RNF216: variants seen among roughly 807,000 people sequenced by gnomAD.
RNF216 encodes E3 ubiquitin-protein ligase RNF216.
RNF216 carries 72 observed loss-of-function variants against 110.8 expected under a neutral mutation model. The ratio of observed to expected loss-of-function variants is 0.65; its 90% confidence interval spans 0.54 to 0.79. The LOEUF (loss-of-function observed/expected upper bound fraction) is 0.79, where lower values mean the gene tolerates loss of function less well. Among genes scored for constraint, RNF216 ranks in the 30% least tolerant of loss-of-function variants. The pLI, the probability that RNF216 is intolerant of heterozygous loss-of-function variation, is 0.00. For synonymous variants in RNF216, 495 were observed against 407.5 expected, an observed-to-expected ratio of 1.21 and a Z score of -2.59; for missense variants, 1,342 against 1,141.2, an observed-to-expected ratio of 1.18 and a Z score of -2.54.
At chr7:5,681,616 G>A (rs1371040473) in intron 13 of RNF216, among the ~76,000 whole-genome samples, 1 of 152,162 alleles carries the variant, frequency 6.6e-6, no homozygotes, top group Non-Finnish European at 1.5e-5. Flanking sequence ...TTTCAATGTT[G>A]TTCTTGCTTA....
At chr7:5,738,728 AAAAAT>A (rs56400876) in intron 5 of RNF216, among the ~76,000 whole-genome samples, 3,633 of 148,602 alleles carry the variant, frequency 0.024, 46 homozygotes, top group Non-Finnish European at 0.033. Context: ...AAAAAAAAAA[AAAAAT>A]GCTTCCATGT....
chr7:5,682,260 A>G (rs558580497), intron 13 of RNF216, among the ~76,000 whole-genome samples: 2 of 152,218 alleles, frequency 1.3e-5, no homozygotes, highest in East Asian at 3.9e-4. Flanking sequence ...TTGTTCTGAA[A>G]TCCTTTGGAA....
At chr7:5,708,573 T>C (rs1406056552) in intron 13 of RNF216, among the ~76,000 whole-genome samples, 1 of 152,236 alleles carries the variant, frequency 6.6e-6, no homozygotes, top group Non-Finnish European at 1.5e-5. Context: ...CATGAGATAC[T>C]CATACTTTAT....
At chr7:5,765,292 T>C (rs1489263887) in intron 1 of RNF216, among the ~76,000 whole-genome samples, 1 of 150,654 alleles carries the variant, frequency 6.6e-6, no homozygotes, top group Non-Finnish European at 1.5e-5. Context: ...GAGGACTATC[T>C]ATACTGAAAA....
At chr7:5,707,806 C>T (rs964018409) in intron 13 of RNF216, among the ~76,000 whole-genome samples, 1 of 149,874 alleles carries the variant, frequency 6.7e-6, no homozygotes. Flanking sequence ...TCACCGCAAC[C>T]TCCACCTCCC....
intron 13 of RNF216, among the ~76,000 whole-genome samples, chr7:5,678,207 G>T (rs183186409): frequency 6.6e-6 from 1 of 152,102 alleles, no homozygotes; most frequent in African/African-American, 2.4e-5. Flanking sequence ...TCTGCTGACC[G>T]CCTGCTGTAA....
intron 13 of RNF216, among the ~76,000 whole-genome samples, chr7:5,705,779 T>C (rs1792241005): frequency 1.3e-5 from 2 of 151,926 alleles, no homozygotes; most frequent in South Asian, 4.1e-4. Context: ...TGGTGGCACA[T>C]GCAGGTAATC....
intron 5 of RNF216, among the ~76,000 whole-genome samples, chr7:5,731,191 G>A (rs139799005): frequency 1.3e-5 from 2 of 152,324 alleles, no homozygotes; most frequent in Non-Finnish European, 2.9e-5. Flanking sequence ...CAAGTAAGAA[G>A]TGGAAAACTG....
At chr7:5,660,955 T>TTTTTTTTTTTTTTTTC (rs1562800034) in intron 13 of RNF216, among the ~76,000 whole-genome samples, 14 of 145,684 alleles carry the variant, frequency 9.6e-5, no homozygotes, top group African/African-American at 3.2e-4. Context: ...TTTTTTTTTT[T>TTTTTTTTTTTTTTTTC]TTTTTTTTTT....
At chr7:5,692,293 C>T (rs1791384037) in intron 13 of RNF216, among the ~76,000 whole-genome samples, 1 of 152,204 alleles carries the variant, frequency 6.6e-6, no homozygotes, top group African/African-American at 2.4e-5. Context: ...ATACCAAAAG[C>T]TAACTGTTAC....
chr7:5,710,598 A>T (rs940164345), intron 13 of RNF216, among the ~76,000 whole-genome samples: 1 of 152,042 alleles, frequency 6.6e-6, no homozygotes, highest in African/African-American at 2.4e-5. Context: ...CTTATATTTT[A>T]TCTCTCCCCA....
intron 13 of RNF216, among the ~76,000 whole-genome samples, chr7:5,674,827 C>A (rs1054973758): frequency 1.3e-5 from 2 of 152,022 alleles, no homozygotes; most frequent in South Asian, 4.1e-4. Flanking sequence ...AAAACCCCAT[C>A]TCTACTAAAA....
intron 5 of RNF216, among the ~76,000 whole-genome samples, chr7:5,731,655 T>C (rs1281590815): frequency 5.3e-5 from 8 of 151,376 alleles, no homozygotes; most frequent in Admixed American, 5.2e-4. Flanking sequence ...GAAGCTTCTT[T>C]GCTCGGAGGG....
intron 14 of RNF216, among the ~76,000 whole-genome samples, chr7:5,642,607 GCCA>G (rs1787806458): frequency 6.6e-6 from 1 of 150,828 alleles, no homozygotes; most frequent in African/African-American, 2.4e-5. Context: ...ACAGGTGTGT[GCCA>G]CCACATCACC....
At chr7:5,745,893 TAA>T (rs55943759) in intron 3 of RNF216, among the ~76,000 whole-genome samples, 2 of 129,990 alleles carry the variant, frequency 1.5e-5, no homozygotes, top group African/African-American at 2.9e-5. Flanking sequence ...GAGACTGTCT[TAA>T]AAAAAAAAAA....
intron 1 of RNF216, among the ~76,000 whole-genome samples, chr7:5,781,281 C>T (rs1047261545): frequency 2.6e-5 from 4 of 152,124 alleles, no homozygotes; most frequent in African/African-American, 7.2e-5. Flanking sequence ...CGAAACTTCG[C>T]GAAGTGGCGA....
At chr7:5,720,505 G>A (rs1376978304) in intron 9 of RNF216, among the ~76,000 whole-genome samples, 1 of 152,110 alleles carries the variant, frequency 6.6e-6, no homozygotes, top group Non-Finnish European at 1.5e-5. Flanking sequence ...GTGAAGTTTT[G>A]GGGCAGTCAA....
chr7:5,763,103 G>C (rs1284036388), intron 1 of RNF216, among the ~76,000 whole-genome samples: 1 of 152,098 alleles, frequency 6.6e-6, no homozygotes, highest in Non-Finnish European at 1.5e-5. Context: ...ACTCATATGA[G>C]AGTAATGGGG....
At chr7:5,629,681 G>C (rs1786938858) in intron 15 of RNF216, among the ~76,000 whole-genome samples, 1 of 151,886 alleles carries the variant, frequency 6.6e-6, no homozygotes, top group Admixed American at 6.6e-5. Context: ...ACAAAAATTA[G>C]CTAGGTGCAG....
Sources: allele counts gnomAD v4.1 joint callset (sites outside exome capture counted in the v4.1 genomes callset), GRCh38; gene constraint gnomAD v4.1.1; transcripts MANE v1.5; gene names NCBI Gene and HGNC (gene_info 2026-07-23, HGNC 2026-07-21).